Variants in SPAG9 observed in about 807,000 individuals in gnomAD.
SPAG9 encodes the protein sperm associated antigen 9, also known as C-Jun-amino-terminal kinase-interacting protein 4.
SPAG9 carries 35 observed loss-of-function variants against 166.5 expected under a neutral mutation model. That is an observed-to-expected ratio of 0.21 (90% CI 0.16 to 0.28). The LOEUF (loss-of-function observed/expected upper bound fraction) is 0.28. Among genes scored for constraint, SPAG9 ranks in the 10% least tolerant of loss-of-function variants. The pLI is 1.00. For missense variants in SPAG9, 1,235 were observed against 1,603.3 expected (o/e 0.77, Z 3.92); for synonymous variants, 534 against 565.5 (o/e 0.94, Z 0.79).
intron 1 of SPAG9, among the ~76,000 whole-genome samples, chr17:51,089,432 C>CAAAA (rs1001638797): frequency 6.7e-6 from 1 of 149,898 alleles, no homozygotes; most frequent in African/African-American, 2.5e-5. Context: ...CTCAAAAAAA[C>CAAAA]AAAAAAACAA....
intron 8 of SPAG9, among the ~76,000 whole-genome samples, chr17:51,019,792 C>T (rs9913568): frequency 0.053 from 7,997 of 152,034 alleles, 627 homozygotes; most frequent in African/African-American, 0.17. Flanking sequence ...GCGGAGGTTG[C>T]GGTGAGCCGA....
In SPAG9 at chr17:51,009,773, G is replaced by C. The variant is rs535850330; in HGVS notation, c.1214-2447C>G. 1.5e-3 allele frequency among the ~76,000 whole-genome samples: 225 copies of C among 152,206 alleles called. 1 individual carries two copies. Among genetic ancestry groups the C allele is most frequent in the Non-Finnish European group, 7.4e-4 (50 of 68,008 alleles). ...AATGGAAACACATGATGGTGCCTTTGAGTCTGCATGAGACCCGGATGAAGT... is the reference window on the plus strand; with the variant it reads ...AATGGAAACACATGATGGTGCCTTTCAGTCTGCATGAGACCCGGATGAAGT... On this transcript the variant is annotated intron_variant, in intron 9 of 29. Transcript: ENST00000262013.
intron 2 of SPAG9, among the ~76,000 whole-genome samples, chr17:51,076,210 C>T (rs1301613592): frequency 6.9e-6 from 1 of 144,790 alleles, no homozygotes; most frequent in East Asian, 2.1e-4. Context: ...CTGCTTTGAG[C>T]TCAGGAGTTC....
chr17:51,076,273 A>G (rs1598135568), intron 2 of SPAG9, among the ~76,000 whole-genome samples: 1 of 151,426 alleles, frequency 6.6e-6, no homozygotes, highest in African/African-American at 2.4e-5. Flanking sequence ...AAATACAAAA[A>G]TTAGCCAGGC....
At chr17:51,065,779 T>A (rs1347769576) in intron 2 of SPAG9, among the ~76,000 whole-genome samples, 2 of 152,176 alleles carry the variant, frequency 1.3e-5, no homozygotes, top group African/African-American at 4.8e-5. Context: ...TGATGTGTGC[T>A]ACTCCTAGGC....
At chr17:51,117,945 G>A (rs552807082) in intron 1 of SPAG9, among the ~76,000 whole-genome samples, 5 of 150,946 alleles carry the variant, frequency 3.3e-5, no homozygotes, top group Non-Finnish European at 7.4e-5. Flanking sequence ...ACCAGCCTGG[G>A]CAACAAGGTG....
At chr17:51,060,210 G>A (rs371694057) in intron 2 of SPAG9, among the ~76,000 whole-genome samples, 102 of 152,006 alleles carry the variant, frequency 6.7e-4, no homozygotes, top group African/African-American at 2.4e-3. Context: ...GGGCCTTTAA[G>A]AAGATAATTA....
chr17:51,108,532 G>A (rs1231043636), intron 1 of SPAG9, among the ~76,000 whole-genome samples: 1 of 152,066 alleles, frequency 6.6e-6, no homozygotes, highest in African/African-American at 2.4e-5. Context: ...CAGAGCAAGT[G>A]GTGCTGTGTG....
chr17:51,001,849 T>C lies in SPAG9; in HGVS notation c.1477-4A>G. The stretch of plus-strand genomic sequence containing the variant: ...TCTGGGCTGTGGGAATATCACTCTA[T>C]AATGACAAGAAAATGACATATCATT... On this transcript the variant is annotated splice_polypyrimidine_tract_variant and splice_region_variant and intron_variant, in intron 12 of 29. Coordinates refer to ENST00000262013, the MANE Select transcript of SPAG9 (RefSeq NM_001130528.3). 1 of 1,610,772 alleles carries C rather than the reference T, an allele frequency of 6.2e-7. No individual in the cohort carries two copies. Among genetic ancestry groups the C allele is most frequent in the Non-Finnish European group, 8.5e-7 (1 of 1,178,780 alleles).
chr17:51,115,745 G>A (rs1470090752), intron 1 of SPAG9, among the ~76,000 whole-genome samples: 1 of 151,922 alleles, frequency 6.6e-6, no homozygotes, highest in Non-Finnish European at 1.5e-5. Flanking sequence ...CAGGAGAACT[G>A]TTTGAACCCA....
chr17:51,041,432 A>G (rs1415015383), intron 5 of SPAG9, 69 bp downstream of exon 5: 8 of 1,434,702 alleles, frequency 5.6e-6, no homozygotes, highest in Non-Finnish European at 7.6e-6. Flanking sequence ...GTGGTCGTCT[A>G]GCACTTCAAT....
At chr17:51,041,729 T>G in intron 4 of SPAG9, 78 bp from the exon 5 acceptor site, 1 of 1,338,070 alleles carries the variant, frequency 7.5e-7, no homozygotes, top group South Asian at 1.3e-5. Flanking sequence ...GTAATAAGCC[T>G]GGACTGCCAC....
intron 22 of SPAG9, 74 bp from the exon 23 acceptor site, chr17:50,985,852 A>C (rs1450503153): frequency 1.2e-6 from 1 of 802,560 alleles, no homozygotes; most frequent in East Asian, 2.8e-5. Context: ...AATGATCGCG[A>C]AGTTCATTCA....
At chr17:51,110,580 T>C (rs1469874479) in intron 1 of SPAG9, among the ~76,000 whole-genome samples, 2 of 151,958 alleles carry the variant, frequency 1.3e-5, no homozygotes, top group Non-Finnish European at 2.9e-5. Context: ...TCCCATCTAC[T>C]TGGGAGGCTG....
intron 19 of SPAG9, among the ~76,000 whole-genome samples, chr17:50,992,894 G>C (rs1168304348): frequency 6.6e-6 from 1 of 151,644 alleles, no homozygotes; most frequent in African/African-American, 2.4e-5. Context: ...CTAGGAGTTC[G>C]AGACCAACCT....
intron 2 of SPAG9, among the ~76,000 whole-genome samples, chr17:51,079,075 G>C (rs2048093130): frequency 6.6e-6 from 1 of 152,152 alleles, no homozygotes; most frequent in African/African-American, 2.4e-5. Context: ...GGTTTAGTCA[G>C]TTCTGCACAC....
intron 17 of SPAG9, 100 bp from the exon 18 acceptor site, chr17:50,995,324 C>G (rs922519107): frequency 7.6e-7 from 1 of 1,324,224 alleles, no homozygotes. Flanking sequence ...GTCTTATAAC[C>G]TAATATTATA....
At chr17:50,986,977 C>T (rs2143784837) in intron 22 of SPAG9, 135 bp downstream of exon 22, 2 of 777,912 alleles carry the variant, frequency 2.6e-6, no homozygotes, top group East Asian at 2.8e-5. Flanking sequence ...AACATAACAT[C>T]AAATTGTGTG....
intron 3 of SPAG9, among the ~76,000 whole-genome samples, chr17:51,054,093 C>G (rs917380402): frequency 2.9e-5 from 4 of 137,202 alleles, no homozygotes; most frequent in Non-Finnish European, 6.2e-5. Flanking sequence ...TAATGGCTAA[C>G]AAATGTCATT....
Sources: allele counts gnomAD v4.1 joint callset (sites outside exome capture counted in the v4.1 genomes callset), GRCh38; gene constraint gnomAD v4.1.1; transcripts MANE v1.5; gene names NCBI Gene and HGNC (gene_info 2026-07-23, HGNC 2026-07-21).